Variants in USP10 observed in about 807,000 individuals in gnomAD.
The protein encoded by USP10 is ubiquitin carboxyl-terminal hydrolase 10.
Under a neutral mutation model 84.5 loss-of-function variants are expected in USP10, and 22 were observed. The observed-to-expected ratio is 0.26, with a 90% CI of 0.19 to 0.37. The LOEUF (loss-of-function observed/expected upper bound fraction) is 0.37. Among genes scored for constraint, USP10 ranks in the 10% least tolerant of loss-of-function variants. The pLI is 1.00. For synonymous variants in USP10, 454 were observed against 387.6 expected (o/e 1.17, Z -2.01); for missense variants, 1,019 against 998.9 (o/e 1.02, Z -0.27).
rs559665565 is a variant in USP10 at position 84,737,914 on chromosome 16, C to T, written c.91-2395C>T. 5.9e-5 allele frequency among the ~76,000 whole-genome samples: 9 copies of T among 152,330 alleles called. No homozygotes were observed. The East Asian group carries it at 1.5e-3, about 26-fold the overall frequency. ...CTCAGTCAGCGCCACCTGGCATTAC[C>T]GGCCCCGCCTCTCCACTTGGCTTGT... is the stretch of plus-strand genomic sequence containing the variant. On this transcript the variant is annotated intron_variant, in intron 2 of 13. Transcript: ENST00000219473.
intron 1 of USP10, among the ~76,000 whole-genome samples, chr16:84,713,887 G>C (rs925892608): frequency 6.6e-6 from 1 of 152,228 alleles, no homozygotes; most frequent in Non-Finnish European, 1.5e-5. Context: ...AGAAAGACCT[G>C]GCGTGTGCCG....
At chr16:84,702,682 G>C (rs58990454) in intron 1 of USP10, among the ~76,000 whole-genome samples, 265 of 152,154 alleles carry the variant, frequency 1.7e-3, no homozygotes, top group African/African-American at 6.1e-3. Flanking sequence ...AATGGGAGGT[G>C]GAAAAAGTTA....
chr16:84,758,518 A>T (rs914701196), intron 4 of USP10, among the ~76,000 whole-genome samples, 198 bp from the exon 5 acceptor site: 2 of 152,220 alleles, frequency 1.3e-5, no homozygotes. Context: ...GAGGGAAAAG[A>T]TTAGTTTCAA....
chr16:84,754,103 C>T (rs538775433), intron 4 of USP10, among the ~76,000 whole-genome samples: 1 of 152,192 alleles, frequency 6.6e-6, no homozygotes, highest in South Asian at 2.1e-4. Context: ...AAGGAGCCTC[C>T]TGTCCAGAGA....
chr16:84,721,523 C>T (rs990017883), intron 1 of USP10, among the ~76,000 whole-genome samples: 5 of 152,066 alleles, frequency 3.3e-5, no homozygotes, highest in Admixed American at 2.0e-4. Context: ...GTTTGCAGTT[C>T]GAGGTTTTTT....
chr16:84,768,409 T>G, intron 11 of USP10, 51 bp downstream of exon 11: 1 of 1,450,834 alleles, frequency 6.9e-7, no homozygotes. Context: ...TCTGGTTTGG[T>G]GGAAAGAACA....
chr16:84,742,995 C>A (rs1910800019), intron 3 of USP10, among the ~76,000 whole-genome samples: 2 of 152,194 alleles, frequency 1.3e-5, no homozygotes, highest in Admixed American at 6.5e-5. Context: ...TGTGATTTCA[C>A]AGCCTTCAAA....
chr16:84,759,183 C>A, intron 5 of USP10, 180 bp from the exon 6 acceptor site: 1 of 631,138 alleles, frequency 1.6e-6, no homozygotes, highest in East Asian at 2.7e-5. Flanking sequence ...CTTATATGGA[C>A]ATCACAGGAC....
chr16:84,765,758 G>A (rs201757710), intron 10 of USP10, among the ~76,000 whole-genome samples: 1 of 152,194 alleles, frequency 6.6e-6, no homozygotes, highest in Non-Finnish European at 1.5e-5. Context: ...TGTGAAGGGA[G>A]GTCTTTTTTA....
intron 1 of USP10, among the ~76,000 whole-genome samples, chr16:84,710,159 A>G (rs1036787053): frequency 1.3e-5 from 2 of 152,006 alleles, no homozygotes; most frequent in African/African-American, 4.8e-5. Flanking sequence ...AATCCCAGCT[A>G]CTTGAGAGGC....
intron 1 of USP10, among the ~76,000 whole-genome samples, chr16:84,730,170 G>T (rs1567607726): frequency 6.6e-6 from 1 of 152,068 alleles, no homozygotes; most frequent in African/African-American, 2.4e-5. Context: ...AAGGTGAAGG[G>T]CCACATTTTT....
intron 8 of USP10, among the ~76,000 whole-genome samples, chr16:84,760,676 A>T (rs754268495): frequency 6.6e-6 from 1 of 152,182 alleles, no homozygotes; most frequent in Admixed American, 6.5e-5. Flanking sequence ...TCTTCATCAT[A>T]CTTACAGGCT....
At chr16:84,759,720 T>C (rs1912980200) in intron 6 of USP10, 171 bp from the exon 7 acceptor site, 2 of 738,214 alleles carry the variant, frequency 2.7e-6, no homozygotes, top group South Asian at 1.8e-5. Context: ...TCACTTGAAA[T>C]AGACCAAAAA....
At chr16:84,747,487 T>G (rs932644188) in intron 4 of USP10, among the ~76,000 whole-genome samples, 12 of 151,900 alleles carry the variant, frequency 7.9e-5, no homozygotes, top group Admixed American at 7.9e-4. Context: ...GAAGTTCTCT[T>G]AAATGAGCAA....
At chr16:84,733,276 C>T (rs1909474762) in intron 1 of USP10, 159 bp from the exon 2 acceptor site, 1 of 621,280 alleles carries the variant, frequency 1.6e-6, no homozygotes, top group Non-Finnish European at 2.9e-6. Context: ...ATATAAACAA[C>T]CTAGAACTCT....
In USP10 at chr16:84,778,974, G is replaced by A. The variant is rs1597420156; in HGVS notation, c.2289G>A (p.Leu763=). ...DVFQIGLNGW[L]RIDDQTVKVI... is the part of the protein sequence containing the mutation. ...TCCAGATCGGTCTGAATGGCTGGCT[G>A]CGCATCGATGACCAGACAGTCAAGG... The change falls in exon 14 of 14, where the codon CTG becomes CTA. Residue 763 remains leucine (L), a synonymous_variant. Coordinates refer to ENST00000219473, the MANE Select transcript of USP10 (RefSeq NM_005153.3). 6.2e-7 allele frequency: 1 copy of A among 1,614,038 alleles called. No individual in the cohort carries two copies. Among genetic ancestry groups the A allele is most frequent in the East Asian group, 2.2e-5 (1 of 44,888 alleles).
chr16:84,704,815 G>A (rs757541105), intron 1 of USP10: 85 of 1,535,676 alleles, frequency 5.5e-5, no homozygotes, highest in African/African-American at 4.2e-4. Context: ...ATTCTGTCCC[G>A]TCTTGAAACA....
intron 1 of USP10, among the ~76,000 whole-genome samples, chr16:84,723,678 AAACAAAGATGGATCT>A (rs1160944170): frequency 6.6e-6 from 1 of 152,246 alleles, no homozygotes; most frequent in Admixed American, 6.5e-5. Flanking sequence ...ACTTCTGGCT[AAACAAAGATGGATCT>A]AACTCGATTC....
chr16:84,737,640 A>C (rs145194307), intron 2 of USP10, among the ~76,000 whole-genome samples: 421 of 152,244 alleles, frequency 2.8e-3, no homozygotes, highest in Non-Finnish European at 4.3e-3. Flanking sequence ...GTCATCTGGG[A>C]GTTTGCTGGT....
Sources: allele counts gnomAD v4.1 joint callset (sites outside exome capture counted in the v4.1 genomes callset), GRCh38; gene constraint gnomAD v4.1.1; transcripts MANE v1.5; gene names NCBI Gene and HGNC (gene_info 2026-07-23, HGNC 2026-07-21).